The following SPOCK1 variants were observed in gnomAD, a reference collection of about 807,000 sequenced individuals.
SPOCK1 encodes the protein SPARC (osteonectin), cwcv and kazal like domains proteoglycan 1, also known as testican-1.
In SPOCK1, 23 loss-of-function variants were observed where a neutral mutation model predicts 55.3. The observed-to-expected ratio is 0.42, with a 90% CI of 0.30 to 0.59. The LOEUF is 0.59. Among genes scored for constraint, SPOCK1 ranks in the 20% least tolerant of loss-of-function variants. The probability of loss-of-function intolerance (pLI) is 0.22; values close to 1 mark genes in which losing one functional copy is unlikely to be tolerated. For missense variants in SPOCK1, 499 were observed against 552.5 expected (o/e 0.90, Z 0.97); for synonymous variants, 226 against 221.0 (o/e 1.02, Z -0.20).
intron 2 of SPOCK1, among the ~76,000 whole-genome samples, chr5:137,317,762 AAAGAGAG>A (rs1250520332): frequency 3.3e-5 from 5 of 152,222 alleles, no homozygotes; most frequent in Non-Finnish European, 5.9e-5. Context: ...ATTCATGACA[AAAGAGAG>A]AATTCACTAA....
At chr5:137,095,540 A>G (rs1663657690) in intron 5 of SPOCK1, among the ~76,000 whole-genome samples, 1 of 152,222 alleles carries the variant, frequency 6.6e-6, no homozygotes, top group Non-Finnish European at 1.5e-5. Flanking sequence ...TGTAAAAATG[A>G]AAACAGAATT....
At chr5:137,461,344 T>C (rs1360078260) in intron 2 of SPOCK1, among the ~76,000 whole-genome samples, 1 of 152,186 alleles carries the variant, frequency 6.6e-6, no homozygotes, top group Non-Finnish European at 1.5e-5. Flanking sequence ...ACCATCTGCA[T>C]CCAAGACACT....
At chr5:137,204,369 A>C (rs1399447287) in intron 3 of SPOCK1, among the ~76,000 whole-genome samples, 1 of 152,186 alleles carries the variant, frequency 6.6e-6, no homozygotes, top group Non-Finnish European at 1.5e-5. Context: ...GGGAGAGCGC[A>C]CTGTCTCAGC....
chr5:137,176,103 A>T (rs1401405542), intron 3 of SPOCK1, among the ~76,000 whole-genome samples: 3 of 152,206 alleles, frequency 2.0e-5, no homozygotes, highest in African/African-American at 7.2e-5. Context: ...TAATGACTGA[A>T]TTAATCTAAG....
chr5:137,054,331 A>T (rs916596489), intron 6 of SPOCK1, among the ~76,000 whole-genome samples: 1 of 152,192 alleles, frequency 6.6e-6, no homozygotes, highest in Admixed American at 6.5e-5. Context: ...TGCATTTTCT[A>T]GTGTATAAGA....
intron 2 of SPOCK1, among the ~76,000 whole-genome samples, chr5:137,277,102 A>T (rs1207697524): frequency 6.6e-6 from 1 of 151,988 alleles, no homozygotes; most frequent in East Asian, 1.9e-4. Flanking sequence ...GTAACCTGGA[A>T]CTCCTGAGCT....
chr5:137,123,463 G>T (rs1255183265), intron 4 of SPOCK1, among the ~76,000 whole-genome samples: 2 of 152,096 alleles, frequency 1.3e-5, no homozygotes, highest in East Asian at 3.9e-4. Context: ...TTTATCACTG[G>T]CCACTTTGGG....
intron 3 of SPOCK1, among the ~76,000 whole-genome samples, chr5:137,198,843 T>G (rs1016619283): frequency 2.0e-5 from 3 of 152,202 alleles, no homozygotes; most frequent in African/African-American, 7.2e-5. Context: ...TGTTCTAAAT[T>G]TTTATACATA....
chr5:137,161,085 CATATT>C (rs1754548317), intron 3 of SPOCK1, among the ~76,000 whole-genome samples: 1 of 144,274 alleles, frequency 6.9e-6, no homozygotes, highest in African/African-American at 2.5e-5. Flanking sequence ...ATATATATTA[CATATT>C]ATATAATATA....
At chr5:137,304,065 G>GTT (rs59137765) in intron 2 of SPOCK1, among the ~76,000 whole-genome samples, 5 of 68,792 alleles carry the variant, frequency 7.3e-5, no homozygotes, top group East Asian at 5.8e-4. Flanking sequence ...AATGCAATGG[G>GTT]TTTTTTTTTT....
chr5:137,323,658 T>G (rs1448617905), intron 2 of SPOCK1, among the ~76,000 whole-genome samples: 1 of 151,926 alleles, frequency 6.6e-6, no homozygotes, highest in Admixed American at 6.6e-5. Flanking sequence ...TTAAAATGGG[T>G]ATTTTAAAAA....
intron 5 of SPOCK1, among the ~76,000 whole-genome samples, chr5:137,068,267 A>G (rs986390656): frequency 1.3e-5 from 2 of 152,032 alleles, no homozygotes; most frequent in Admixed American, 6.6e-5. Flanking sequence ...CCTGGGAGGG[A>G]AGAGTAACAA....
chr5:137,160,724 G>A (rs1418330015), intron 3 of SPOCK1, among the ~76,000 whole-genome samples: 3 of 129,790 alleles, frequency 2.3e-5, no homozygotes, highest in African/African-American at 8.6e-5. Context: ...GAAAACAGTA[G>A]ATGTTGGTGT....
At chr5:137,106,493 C>T (rs901494038) in intron 5 of SPOCK1, among the ~76,000 whole-genome samples, 2 of 152,140 alleles carry the variant, frequency 1.3e-5, no homozygotes, top group African/African-American at 4.8e-5. Context: ...TCCCGCCAAG[C>T]TGAAGACGGT....
At chr5:137,370,535 G>A (rs1751176487) in intron 2 of SPOCK1, among the ~76,000 whole-genome samples, 1 of 152,184 alleles carries the variant, frequency 6.6e-6, no homozygotes, top group Non-Finnish European at 1.5e-5. Flanking sequence ...CTCCTTGAAA[G>A]GCAGCTGCTC....
rs1335633727 is a variant in SPOCK1, at chr5:136,976,342, A to T, written c.*2312T>A. 1 of 152,580 alleles carries T rather than the reference A, an allele frequency of 6.6e-6. No homozygotes were observed. The highest frequency in any genetic ancestry group is 1.5e-5 in the Non-Finnish European group (1 of 68,028). 9.5% of individuals were successfully genotyped at this position (152,580 alleles called of 1,614,324 possible). ...AATGGCATCTCATTACCTTACTGGG[A>T]ACTGTCTATTGAGCACTCTTCTCCA... is the stretch of plus-strand genomic sequence containing the variant. On this transcript the variant is annotated 3_prime_UTR_variant, in exon 11 of 11. Transcript: ENST00000394945.
intron 2 of SPOCK1, among the ~76,000 whole-genome samples, chr5:137,330,899 T>G (rs1192657589): frequency 6.6e-6 from 1 of 152,232 alleles, no homozygotes; most frequent in Non-Finnish European, 1.5e-5. Context: ...TGATAAGTAC[T>G]ATGCACATTA....
At chr5:137,149,665 T>C (rs927189718) in intron 3 of SPOCK1, among the ~76,000 whole-genome samples, 1 of 152,172 alleles carries the variant, frequency 6.6e-6, no homozygotes, top group African/African-American at 2.4e-5. Flanking sequence ...GCCAAAGACA[T>C]CCAGAGAATT....
At chr5:137,348,325 C>T (rs965718316) in intron 2 of SPOCK1, among the ~76,000 whole-genome samples, 14 of 152,172 alleles carry the variant, frequency 9.2e-5, no homozygotes, top group Admixed American at 2.6e-4. Flanking sequence ...ACCTGACTGA[C>T]AAATATTTAT....
Sources: allele counts gnomAD v4.1 joint callset (sites outside exome capture counted in the v4.1 genomes callset), GRCh38; gene constraint gnomAD v4.1.1; transcripts MANE v1.5; gene names NCBI Gene and HGNC (gene_info 2026-07-23, HGNC 2026-07-21).